Variants in UXS1 observed in about 807,000 individuals in gnomAD.
UXS1 encodes the protein UDP-glucuronic acid decarboxylase 1.
UXS1 carries 33 observed loss-of-function variants against 62.6 expected under a neutral mutation model. That is an observed-to-expected ratio of 0.53 (90% CI 0.40 to 0.70). The LOEUF (loss-of-function observed/expected upper bound fraction) is 0.70. Ranked by LOEUF, UXS1 falls within the 30% of genes least tolerant of loss-of-function variation. The probability of loss-of-function intolerance (pLI) is 0.00; values close to 1 mark genes in which losing one functional copy is unlikely to be tolerated. For synonymous variants in UXS1, 213 were observed against 206.8 expected, an observed-to-expected ratio of 1.03 and a Z score of -0.26; for missense variants, 434 against 556.3, an observed-to-expected ratio of 0.78 and a Z score of 2.21.
At chr2:106,161,932 G>T (rs1410111610) in intron 4 of UXS1, among the ~76,000 whole-genome samples, 1 of 152,158 alleles carries the variant, frequency 6.6e-6, no homozygotes, top group African/African-American at 2.4e-5. Context: ...TTTGCTCAAA[G>T]TGACAAGCAC....
At chr2:106,167,181 C>T (rs919864271) in intron 1 of UXS1, among the ~76,000 whole-genome samples, 1 of 152,194 alleles carries the variant, frequency 6.6e-6, no homozygotes, top group Non-Finnish European at 1.5e-5. Flanking sequence ...TGAGCACTCA[C>T]TTTAAGTTAC....
intron 1 of UXS1, among the ~76,000 whole-genome samples, chr2:106,170,590 C>A (rs577342136): frequency 1.3e-5 from 2 of 152,134 alleles, no homozygotes; most frequent in African/African-American, 4.8e-5. Context: ...AGTGTTGTGG[C>A]CTCCTTTCAA....
At chr2:106,123,340 T>C (rs538324277) in intron 8 of UXS1, among the ~76,000 whole-genome samples, 1 of 152,120 alleles carries the variant, frequency 6.6e-6, no homozygotes, top group Admixed American at 6.5e-5. Context: ...CAATTTTAAG[T>C]CTTCCCTCTC....
intron 1 of UXS1, among the ~76,000 whole-genome samples, chr2:106,186,837 A>C (rs1182574706): frequency 1.3e-5 from 2 of 152,150 alleles, no homozygotes; most frequent in Non-Finnish European, 2.9e-5. Context: ...GAAGCAAAAA[A>C]AAAATCTCAG....
At chr2:106,123,952 G>A (rs1443293237) in intron 8 of UXS1, among the ~76,000 whole-genome samples, 1 of 152,214 alleles carries the variant, frequency 6.6e-6, no homozygotes, top group East Asian at 1.9e-4. Context: ...CTGAGCAGGT[G>A]CAGGGAGGTA....
intron 12 of UXS1, among the ~76,000 whole-genome samples, chr2:106,100,146 T>C (rs537545303): frequency 6.6e-6 from 1 of 152,320 alleles, no homozygotes; most frequent in South Asian, 2.1e-4. Context: ...GGGAGGTCTC[T>C]GTGAGCTAAG....
intron 1 of UXS1, among the ~76,000 whole-genome samples, chr2:106,190,980 T>C (rs1285817254): frequency 1.3e-5 from 2 of 152,164 alleles, no homozygotes; most frequent in Non-Finnish European, 2.9e-5. Context: ...TTAGCACTGC[T>C]ATAAATGTTT....
At position 106,104,803 on chromosome 2, in the gene UXS1, T is replaced by A. The variant is rs749198150; in HGVS notation, c.914A>T (p.Gln305Leu). 13 of 1,613,874 alleles carry A rather than the reference T, an allele frequency of 8.1e-6. No homozygotes were observed. Among genetic ancestry groups the A allele is most frequent in the Non-Finnish European group, 1.0e-5 (12 of 1,179,902 alleles). ...YGSGSQTRAF[Q>L]YVSDLVNGLV... is the part of the protein sequence containing the mutation. ...GGCAGGACAGTCTTACCTGACGTAC[T>A]GGAACGCCCTTGTCTGAGACCCGGA... The change falls in exon 11 of 15, where the codon CAG becomes CTG. Residue 305 changes from glutamine to leucine, a missense_variant. Physicochemically the swap from Gln to Leu is moderately radical, Grantham distance 113. This residue lies in a region of UXS1 where 209 missense variants were observed against 233.3 expected (regional missense o/e 0.90). Transcript: ENST00000283148.
rs370254318 is a variant in UXS1, at chr2:106,194,257, G to A, written c.-16C>T. On this transcript the variant is annotated 5_prime_UTR_variant, in exon 1 of 15. Transcript: ENST00000283148. ...TGCTCACCATCCCCGGGAGCCGCGC[G>A]GGTCCAGGGCCCTACCGCGCGGGGG... 5.6e-6 allele frequency: 8 copies of A among 1,417,620 alleles called. No homozygotes were observed. In the Admixed American group the frequency reaches 7.6e-5, roughly 13 times the overall value. The allele number at this position is 1,417,620 out of a possible 1,614,324, so 87.8% of individuals were successfully genotyped here.
intron 1 of UXS1, among the ~76,000 whole-genome samples, chr2:106,170,895 G>C (rs1298338136): frequency 1.3e-5 from 2 of 152,228 alleles, no homozygotes; most frequent in Non-Finnish European, 2.9e-5. Flanking sequence ...GCTTCAAACA[G>C]ATAGCTGGGC....
intron 10 of UXS1, among the ~76,000 whole-genome samples, chr2:106,111,837 G>A (rs1308736986): frequency 1.3e-5 from 2 of 152,118 alleles, no homozygotes; most frequent in Non-Finnish European, 2.9e-5. Context: ...AAATCGACTC[G>A]AGTCCCACAA....
intron 13 of UXS1, among the ~76,000 whole-genome samples, chr2:106,098,192 A>G (rs1008480003): frequency 5.9e-5 from 9 of 152,058 alleles, no homozygotes; most frequent in Non-Finnish European, 1.5e-5. Flanking sequence ...GGGCTCATCC[A>G]CTCTATGTCT....
At chr2:106,116,144 T>C (rs1197298995) in intron 9 of UXS1, among the ~76,000 whole-genome samples, 1 of 152,096 alleles carries the variant, frequency 6.6e-6, no homozygotes, top group Non-Finnish European at 1.5e-5. Context: ...AGAGGAGTAA[T>C]GAAGGTACAG....
intron 4 of UXS1, among the ~76,000 whole-genome samples, chr2:106,163,267 C>T (rs534953562): frequency 1.3e-5 from 2 of 152,314 alleles, no homozygotes; most frequent in East Asian, 3.9e-4. Flanking sequence ...ACAAAAGCAG[C>T]TAAATGACTA....
intron 1 of UXS1, among the ~76,000 whole-genome samples, chr2:106,167,598 A>G (rs2889641): frequency 0.98 from 149,112 of 152,232 alleles, 73,087 homozygotes; most frequent in South Asian, 1. Context: ...AACAGAGGAG[A>G]AAACTTGGTT....
At chr2:106,181,455 A>G (rs1412054812) in intron 1 of UXS1, among the ~76,000 whole-genome samples, 1 of 152,216 alleles carries the variant, frequency 6.6e-6, no homozygotes, top group African/African-American at 2.4e-5. Context: ...GTGGTGGCTC[A>G]CACCTGTAAT....
At chr2:106,095,543 C>T (rs1162941974) in intron 14 of UXS1, among the ~76,000 whole-genome samples, 1 of 152,198 alleles carries the variant, frequency 6.6e-6, no homozygotes, top group Non-Finnish European at 1.5e-5. Context: ...CAACTGCGTC[C>T]CTGACTCTCT....
At chr2:106,172,984 C>T (rs1488276923) in intron 1 of UXS1, among the ~76,000 whole-genome samples, 1 of 152,174 alleles carries the variant, frequency 6.6e-6, no homozygotes, top group African/African-American at 2.4e-5. Flanking sequence ...GGTCTTCTGA[C>T]CAATCTATCT....
intron 1 of UXS1, among the ~76,000 whole-genome samples, chr2:106,180,941 C>T (rs1684202690): frequency 1.3e-5 from 2 of 152,156 alleles, no homozygotes; most frequent in South Asian, 4.1e-4. Context: ...GATGTAGGCT[C>T]CACCTAAGGA....
Sources: gnomAD v4.1 joint callset for allele counts (sites outside exome capture counted in the v4.1 genomes callset) on GRCh38, gnomAD v4.1.1 for gene constraint, gnomAD v4.1.1 regional missense constraint, MANE v1.5 for transcripts, NCBI Gene and HGNC (gene_info 2026-07-23, HGNC 2026-07-21) for gene names.